Variants in IDUA observed in about 807,000 individuals in gnomAD.
The protein encoded by IDUA is alpha-L-iduronidase.
A neutral mutation model predicts 68.9 loss-of-function variants in IDUA; 65 were observed. The observed-to-expected ratio is 0.94, with a 90% CI of 0.77 to 1.16. The LOEUF is 1.16. IDUA is among the 50% of genes most tolerant of loss of function. IDUA has a pLI of 0.00. For missense variants in IDUA, 1,046 were observed against 938.0 expected (o/e 1.12, Z -1.50); for synonymous variants, 529 against 433.6 (o/e 1.22, Z -2.73).
intron 2 of IDUA, chr4:991,047 C>T: frequency 2.9e-6 from 4 of 1,378,784 alleles, no homozygotes; most frequent in Non-Finnish European, 3.9e-6. Context: ...TGTGCTTGCC[C>T]CCAGCCTTGC....
Position 1,000,657 on chromosome 4 carries a change from C to T in IDUA, c.345C>T (p.Asp115=), listed in dbSNP as rs760987501. 1.5e-5 allele frequency: 24 copies of T among 1,612,576 alleles called. No homozygotes were observed. The highest frequency in any genetic ancestry group is 8.0e-5 in the African/African-American group (6 of 74,936). The change falls in exon 3 of 14, where the codon GAC becomes GAT. Residue 115 remains aspartate, a synonymous_variant. Coordinates refer to ENST00000514224, the MANE Select transcript of IDUA (RefSeq NM_000203.5). The stretch of plus-strand genomic sequence containing the variant: ...TGAGCTACAACTTCACCCACCTGGA[C>T]GGGTACCTGGACCTTCTCAGGGAGA... ...RGLSYNFTHL[D]GYLDLLRENQ...
At chr4:994,306 T>C (rs1056629884) in intron 2 of IDUA, among the ~76,000 whole-genome samples, 5 of 151,944 alleles carry the variant, frequency 3.3e-5, no homozygotes, top group African/African-American at 9.6e-5. Flanking sequence ...GGCGGAGTCT[T>C]GCTCTGTCAC....
In IDUA at chr4:987,776, C is replaced by T. The variant is rs373759069; in HGVS notation, c.159-33C>T. 7.4e-6 allele frequency: 12 copies of T among 1,611,168 alleles called. No individual in the cohort carries two copies. The African/African-American group carries it at 1.5e-4, about 20-fold the overall frequency. ...AGCCGCGCTGCCAGCCATGCTGAGG[C>T]TCGGGACTGAGCCGCCCCTTTGTTG... On this transcript the variant is annotated intron_variant, in intron 1 of 13. Transcript: ENST00000514224.
At chr4:988,419 C>G (rs749751376) in intron 2 of IDUA, 1 of 1,064,700 alleles carries the variant, frequency 9.4e-7, no homozygotes, top group African/African-American at 1.7e-5. Context: ...TGGCCAGAGC[C>G]GCTGGCTCCT....
rs121965027 is a variant in IDUA at position 1,003,102 on chromosome 4, T to C, written c.1469T>C (p.Leu490Pro). ...AGCCCCGACGGCGAGTGGCGGCGCCTGGGCCGGCCCGTCTTCCCCACGGCA... is the reference window on the plus strand; with the variant it reads ...AGCCCCGACGGCGAGTGGCGGCGCCCGGGCCGGCCCGTCTTCCCCACGGCA... ...LCSPDGEWRR[L>P]GRPVFPTAEQ... The change falls in exon 10 of 14, where the codon CTG becomes CCG. Residue 490 changes from leucine (L) to proline (P), a missense_variant. Physicochemically the swap from Leu to Pro is moderately conservative, Grantham distance 98. Transcript: ENST00000514224. 2.0e-5 allele frequency: 31 copies of C among 1,512,716 alleles called. No homozygotes were observed. In the South Asian group the frequency reaches 3.8e-4, roughly 19 times the overall value. 93.7% of individuals were successfully genotyped at this position (1,512,716 alleles called of 1,614,324 possible).
intron 2 of IDUA, chr4:988,355 G>A (rs1000185990): frequency 8.3e-6 from 9 of 1,081,746 alleles, no homozygotes; most frequent in Non-Finnish European, 1.0e-5. Context: ...CACGAGGTGT[G>A]AGGGGCACTT....
intron 2 of IDUA, among the ~76,000 whole-genome samples, chr4:994,936 G>A (rs762202326): frequency 2.0e-4 from 31 of 152,128 alleles, no homozygotes; most frequent in Non-Finnish European, 3.2e-4. Flanking sequence ...AAAAACAAAC[G>A]CTGTCATTGG....
In IDUA at chr4:1,003,039, T is replaced by G; in HGVS notation, c.1406T>G (p.Leu469Arg). The change falls in exon 10 of 14, where the codon CTG becomes CGG. Residue 469 changes from leucine (L) to arginine (R), a missense_variant. Physicochemically the swap from Leu to Arg is moderately radical, Grantham distance 102. Transcript: ENST00000514224. ...RLRGVPPGPG[L>R]VYVTRYLDNG... ...GCCTGAGTGTCAGGCCCCGCAGGCC[T>G]GGTCTACGTCACGCGCTACCTGGAC... 1 of 1,503,370 alleles carries G rather than the reference T, an allele frequency of 6.7e-7. No individual in the cohort carries two copies. Among genetic ancestry groups the G allele is most frequent in the Non-Finnish European group, 8.8e-7 (1 of 1,134,670 alleles). The allele number at this position is 1,503,370 out of a possible 1,614,324, so 93.1% of individuals were successfully genotyped here. A position where few individuals can be genotyped will look rare whatever the true frequency, so the allele number is the denominator to read the frequency against.
At chr4:999,434 C>T (rs1714946131) in intron 2 of IDUA, among the ~76,000 whole-genome samples, 2 of 152,326 alleles carry the variant, frequency 1.3e-5, no homozygotes, top group Admixed American at 1.3e-4. Flanking sequence ...AGCCTTTGCA[C>T]TGGCGATGCC....
chr4:987,262 C>T lies in IDUA; in HGVS notation c.158+20C>T, dbSNP rs1189833583. 6.6e-7 allele frequency: 1 copy of T among 1,512,960 alleles called. No homozygotes were observed. Among genetic ancestry groups the T allele is most frequent in the South Asian group, 1.2e-5 (1 of 81,900 alleles). The allele number at this position is 1,512,960 out of a possible 1,614,324, so 93.7% of individuals were successfully genotyped here. On this transcript the variant is annotated intron_variant, in intron 1 of 13. Coordinates refer to ENST00000514224, the MANE Select transcript of IDUA (RefSeq NM_000203.5). ...CTTCTGGTGAGCGCTCCGCGGCCTC[C>T]GGGACCCCCTGGCCGCACGGGGAGA...
chr4:994,497 GCA>G (rs1714616108), intron 2 of IDUA, among the ~76,000 whole-genome samples: 1 of 151,326 alleles, frequency 6.6e-6, no homozygotes. Context: ...GAGTACAGTG[GCA>G]TGATCTCGGC....
rs139155899 is a variant in IDUA, at chr4:1,001,488, G to A, written c.514G>A (p.Val172Ile). 8.7e-6 allele frequency: 14 copies of A among 1,613,202 alleles called. No homozygotes were observed. The highest frequency in any genetic ancestry group is 1.0e-5 in the Non-Finnish European group (12 of 1,179,954). Residue 172 changes from valine (V) to isoleucine (I), a missense_variant, in exon 5 of 14, where the codon GTT becomes ATT. Physicochemically the swap from Val to Ile is conservative, Grantham distance 29. Coordinates refer to ENST00000514224, the MANE Select transcript of IDUA (RefSeq NM_000203.5). ...TGCAGGTAGGTACGGACTGGCGCAT[G>A]TTTCCAAGTGGAACTTCGAGACGTG... ...RYIGRYGLAH[V>I]SKWNFETWNE...
intron 1 of IDUA, 144 bp downstream of exon 1, chr4:987,386 G>T: frequency 2.3e-6 from 2 of 887,910 alleles, no homozygotes; most frequent in Non-Finnish European, 3.2e-6. Flanking sequence ...CGCCGTGTTT[G>T]TGGGTGGGTC....
intron 2 of IDUA, among the ~76,000 whole-genome samples, chr4:993,874 C>T (rs1208059185): frequency 2.0e-5 from 3 of 152,220 alleles, no homozygotes; most frequent in South Asian, 2.1e-4. Context: ...CGTGCATATG[C>T]GTGTGTGCTC....
At chr4:992,356 G>A in intron 2 of IDUA, 1 of 370,558 alleles carries the variant, frequency 2.7e-6, no homozygotes, top group South Asian at 2.0e-5. Context: ...TGTGGGTCCT[G>A]GGGCTGGCGG....
At position 989,910 on chromosome 4, in the gene IDUA, C is replaced by G. The variant is rs780195021; in HGVS notation, c.299+1961C>G. ...CCACGAGGGCCAGGGCCACGGCATC[C>G]AAAGCCACACGCTGCATCAGCCTGG... is the stretch of plus-strand genomic sequence containing the variant. On this transcript the variant is annotated intron_variant, in intron 2 of 13. Coordinates refer to ENST00000514224, the MANE Select transcript of IDUA (RefSeq NM_000203.5). 11 of 1,562,310 alleles carry G rather than the reference C, an allele frequency of 7.0e-6. No homozygotes were observed. In the South Asian group the frequency reaches 1.2e-4, roughly 17 times the overall value.
chr4:987,733 G>A, intron 1 of IDUA, 76 bp from the exon 2 acceptor site: 1 of 1,600,120 alleles, frequency 6.2e-7, no homozygotes, highest in Non-Finnish European at 8.5e-7. Flanking sequence ...GGCAGTCCTG[G>A]GCTTGAACGT....
intron 2 of IDUA, chr4:989,563 T>A (rs1427562334): frequency 6.3e-6 from 10 of 1,586,156 alleles, no homozygotes; most frequent in Non-Finnish European, 8.6e-6. Context: ...CCGCGGGAGG[T>A]CCCACACCTT....
intron 2 of IDUA, chr4:999,932 G>A (rs1245015045): frequency 3.7e-5 from 5 of 133,618 alleles, no homozygotes; most frequent in Admixed American, 7.4e-5. Context: ...CCTTGAGGAC[G>A]CCTGTCCCCT....
Sources: gnomAD v4.1 joint callset for allele counts (sites outside exome capture counted in the v4.1 genomes callset) on GRCh38, gnomAD v4.1.1 for gene constraint, MANE v1.5 for transcripts, NCBI Gene and HGNC (gene_info 2026-07-23, HGNC 2026-07-21) for gene names.